Variants in PDGFRL observed in about 807,000 individuals in gnomAD.
The protein encoded by PDGFRL is platelet derived growth factor receptor like.
In PDGFRL, 46 loss-of-function variants were observed where a neutral mutation model predicts 37.2. The observed-to-expected ratio is 1.24, with a 90% confidence interval of 0.98 to 1.58. The LOEUF (loss-of-function observed/expected upper bound fraction) is 1.58, where lower values mean the gene tolerates loss of function less well. PDGFRL is among the 40% of genes most tolerant of loss of function. The probability of loss-of-function intolerance (pLI) is 0.00; values close to 1 mark genes in which losing one functional copy is unlikely to be tolerated. For synonymous variants in PDGFRL, 251 were observed against 184.3 expected (o/e 1.36, Z -2.93); for missense variants, 692 against 467.6 (o/e 1.48, Z -4.43).
Position 17,609,489 on chromosome 8 carries a change from T to A in PDGFRL, c.354-11562T>A, listed in dbSNP as rs1312631217. ...GACTCTGTCTGGAAAAAAAAAAAAA[T>A]TACCTGGGTGTGGTGGCGTGCACCT... On this transcript the variant is annotated intron_variant, in intron 2 of 5. Transcript: ENST00000251630. 1.5e-3 allele frequency among the ~76,000 whole-genome samples: 215 copies of A among 146,318 alleles called. No homozygotes were observed. In the Middle Eastern group the frequency reaches 0.022, roughly 15 times the overall value.
At chr8:17,607,870 T>C (rs1292162824) in intron 2 of PDGFRL, among the ~76,000 whole-genome samples, 1 of 152,218 alleles carries the variant, frequency 6.6e-6, no homozygotes, top group Admixed American at 6.5e-5. Context: ...TTATGTCCAC[T>C]AGTGTATAAT....
chr8:17,626,126 C>T (rs373986017), intron 3 of PDGFRL, among the ~76,000 whole-genome samples: 1 of 152,256 alleles, frequency 6.6e-6, no homozygotes, highest in African/African-American at 2.4e-5. Context: ...CTAAATCTTG[C>T]AATCATAAAA....
intron 2 of PDGFRL, among the ~76,000 whole-genome samples, chr8:17,611,458 C>G (rs1271299458): frequency 6.6e-6 from 1 of 152,160 alleles, no homozygotes. Context: ...CTTAACCGCC[C>G]TTTTACAAAG....
At chr8:17,615,198 T>G (rs1804498582) in intron 2 of PDGFRL, among the ~76,000 whole-genome samples, 1 of 152,152 alleles carries the variant, frequency 6.6e-6, no homozygotes, top group Non-Finnish European at 1.5e-5. Flanking sequence ...TTCCTTTAAT[T>G]AATTACCGGA....
chr8:17,596,777 A>G (rs1261147328), intron 2 of PDGFRL, among the ~76,000 whole-genome samples: 1 of 152,204 alleles, frequency 6.6e-6, no homozygotes, highest in Non-Finnish European at 1.5e-5. Context: ...TGTGAAAAAC[A>G]TCTAGTCATA....
intron 3 of PDGFRL, among the ~76,000 whole-genome samples, chr8:17,627,722 C>T (rs561081424): frequency 1.9e-4 from 29 of 151,794 alleles, no homozygotes; most frequent in Non-Finnish European, 2.6e-4. Context: ...GAGATCCACC[C>T]GCCTCGGCCT....
chr8:17,624,193 G>C (rs1339726436), intron 3 of PDGFRL, among the ~76,000 whole-genome samples: 2 of 152,270 alleles, frequency 1.3e-5, no homozygotes, highest in East Asian at 3.9e-4. Flanking sequence ...TCTCACTGCT[G>C]GCTCAGGATT....
chr8:17,617,500 C>T (rs965610712), intron 2 of PDGFRL, among the ~76,000 whole-genome samples: 19 of 152,174 alleles, frequency 1.2e-4, no homozygotes, highest in Non-Finnish European at 1.6e-4. Flanking sequence ...TTGCGTGACA[C>T]GGACTCAGCC....
At chr8:17,579,113 C>A (rs1429097628) in intron 1 of PDGFRL, among the ~76,000 whole-genome samples, 1 of 151,976 alleles carries the variant, frequency 6.6e-6, no homozygotes, top group Non-Finnish European at 1.5e-5. Flanking sequence ...CAGAGAACTG[C>A]TTGAACCTGG....
intron 2 of PDGFRL, among the ~76,000 whole-genome samples, chr8:17,617,738 A>T (rs1409386159): frequency 6.6e-6 from 1 of 152,224 alleles, no homozygotes; most frequent in Non-Finnish European, 1.5e-5. Context: ...AAGATACAGC[A>T]TGCAGATTGC....
At chr8:17,636,556 A>G (rs902495836) in intron 5 of PDGFRL, among the ~76,000 whole-genome samples, 4 of 20,248 alleles carry the variant, frequency 2.0e-4, no homozygotes, top group African/African-American at 5.6e-4. Context: ...ATGCCTCTAG[A>G]TTTGTTTTTT....
At chr8:17,597,368 C>T (rs1305538277) in intron 2 of PDGFRL, among the ~76,000 whole-genome samples, 1 of 152,210 alleles carries the variant, frequency 6.6e-6, no homozygotes, top group Non-Finnish European at 1.5e-5. Flanking sequence ...GAAGCACGAC[C>T]ACATTTATCC....
intron 2 of PDGFRL, among the ~76,000 whole-genome samples, chr8:17,601,968 C>T (rs1585310872): frequency 6.6e-6 from 1 of 152,144 alleles, no homozygotes; most frequent in African/African-American, 2.4e-5. Context: ...ATCTATATTC[C>T]TTTGGATACA....
intron 2 of PDGFRL, among the ~76,000 whole-genome samples, chr8:17,620,835 C>T (rs952375015): frequency 2.1e-5 from 3 of 145,536 alleles, no homozygotes; most frequent in African/African-American, 7.6e-5. Flanking sequence ...CATTTTTTTC[C>T]TGATTTCTTT....
At chr8:17,602,677 T>A (rs1288334998) in intron 2 of PDGFRL, among the ~76,000 whole-genome samples, 1 of 152,152 alleles carries the variant, frequency 6.6e-6, no homozygotes, top group African/African-American at 2.4e-5. Flanking sequence ...CTGGGCTATT[T>A]GGAAAGGAGA....
At chr8:17,612,227 ATTTAAAT>A (rs2129723288) in intron 2 of PDGFRL, among the ~76,000 whole-genome samples, 1 of 152,356 alleles carries the variant, frequency 6.6e-6, no homozygotes, top group African/African-American at 2.4e-5. Flanking sequence ...ACCTCCAGGT[ATTTAAAT>A]ACACATGAGC....
intron 3 of PDGFRL, among the ~76,000 whole-genome samples, chr8:17,625,812 G>C (rs1420443738): frequency 1.3e-5 from 2 of 152,100 alleles, no homozygotes; most frequent in Admixed American, 1.3e-4. Context: ...AACATAGTGA[G>C]ACCCTGACTC....
chr8:17,641,435 T>G (rs1805090617), intron 5 of PDGFRL, among the ~76,000 whole-genome samples: 1 of 152,194 alleles, frequency 6.6e-6, no homozygotes, highest in Non-Finnish European at 1.5e-5. Flanking sequence ...ATGGCTTCCT[T>G]GGGGACTGAG....
At chr8:17,628,056 C>G (rs571700313) in intron 3 of PDGFRL, among the ~76,000 whole-genome samples, 121 of 136,008 alleles carry the variant, frequency 8.9e-4, no homozygotes, top group Non-Finnish European at 1.3e-3. Context: ...TGCAGTGGCG[C>G]TATCTCGGCT....
Sources: allele counts gnomAD v4.1 joint callset (sites outside exome capture counted in the v4.1 genomes callset), GRCh38; gene constraint gnomAD v4.1.1; transcripts MANE v1.5; gene names NCBI Gene and HGNC (gene_info 2026-07-23, HGNC 2026-07-21).